The following DLG2 variants were observed in gnomAD, a reference collection of about 807,000 sequenced individuals.
DLG2 encodes the protein discs large MAGUK scaffold protein 2, also known as disks large homolog 2.
A neutral mutation model predicts 132.5 loss-of-function variants in DLG2; 45 were observed. The ratio of observed to expected loss-of-function variants is 0.34; its 90% CI spans 0.27 to 0.44. The LOEUF (loss-of-function observed/expected upper bound fraction) is 0.44. DLG2 is among the 20% of genes least tolerant of loss of function. The pLI, the probability that DLG2 is intolerant of heterozygous loss-of-function variation, is 1.00. For missense variants in DLG2, 1,045 were observed against 1,196.9 expected, an observed-to-expected ratio of 0.87 and a Z score of 1.87; for synonymous variants, 424 against 419.6, an observed-to-expected ratio of 1.01 and a Z score of -0.13.
chr11:84,368,416 G>A (rs996977727), intron 7 of DLG2, among the ~76,000 whole-genome samples: 3 of 151,862 alleles, frequency 2.0e-5, no homozygotes, highest in African/African-American at 7.3e-5. Flanking sequence ...ATTCTCCCAA[G>A]GTAAGGATTT....
At chr11:84,060,317 A>G (rs2096571127) in intron 10 of DLG2, among the ~76,000 whole-genome samples, 1 of 152,250 alleles carries the variant, frequency 6.6e-6, no homozygotes, top group African/African-American at 2.4e-5. Flanking sequence ...ATCTCAAAAA[A>G]AGAAAATAAT....
chr11:85,595,390 T>A (rs896321895), intron 3 of DLG2, among the ~76,000 whole-genome samples: 2 of 152,208 alleles, frequency 1.3e-5, no homozygotes, highest in Non-Finnish European at 2.9e-5. Context: ...AATTCTCTTA[T>A]ATTCAAATTC....
At chr11:84,826,132 A>C (rs1454539152) in intron 6 of DLG2, among the ~76,000 whole-genome samples, 1 of 151,886 alleles carries the variant, frequency 6.6e-6, no homozygotes, top group African/African-American at 2.4e-5. Flanking sequence ...GGCATGCAAC[A>C]TGTAATAATC....
rs546637133 is a variant in DLG2 at position 84,114,890 on chromosome 11, G to A, written c.625-15843C>T. Among the ~76,000 whole-genome samples the A allele has an allele frequency of 4.0e-4, 59 of 146,654 alleles. 1 individual carries two copies. The highest frequency in any genetic ancestry group is 2.4e-3 in the Admixed American group (35 of 14,444). Reference sequence around the variant, plus strand: ...TTGCCATGTTGCCCAGCCTTGTCTCGAACTCCTGAGCTCAAGCCATTCAGC... The same window carrying A: ...TTGCCATGTTGCCCAGCCTTGTCTCAAACTCCTGAGCTCAAGCCATTCAGC... On this transcript the variant is annotated intron_variant, in intron 9 of 27. Coordinates refer to ENST00000376104, the MANE Select transcript of DLG2 (RefSeq NM_001142699.3).
At chr11:85,357,703 A>ATT (rs2083820506) in intron 3 of DLG2, among the ~76,000 whole-genome samples, 1 of 94,130 alleles carries the variant, frequency 1.1e-5, no homozygotes, top group African/African-American at 4.1e-5. Context: ...ACTGTTCTGA[A>ATT]TTATATATAT....
At chr11:83,680,258 G>A (rs1436624000) in intron 18 of DLG2, among the ~76,000 whole-genome samples, 6 of 152,142 alleles carry the variant, frequency 3.9e-5, no homozygotes, top group South Asian at 2.1e-4. Context: ...TCAAAACCCA[G>A]ATACTGCTGT....
chr11:85,557,771 A>G (rs1478947133), intron 3 of DLG2, among the ~76,000 whole-genome samples: 2 of 151,882 alleles, frequency 1.3e-5, no homozygotes, highest in Non-Finnish European at 2.9e-5. Context: ...GAATGAACCT[A>G]GACCCCTACC....
In DLG2 at chr11:84,389,169, A is replaced by C. The variant is rs189859689; in HGVS notation, c.520-137878T>G. ...TAACATTTCTGAGGTTTCCTCAGCA[A>C]AGTCCAATATAAAGGGTATTTCATT... On this transcript the variant is annotated intron_variant, in intron 7 of 27. Transcript: ENST00000376104. Among the ~76,000 whole-genome samples the C allele has an allele frequency of 3.8e-3, 582 of 152,258 alleles. 2 individuals carry two copies. The highest frequency in any genetic ancestry group is 7.0e-3 in the Non-Finnish European group (476 of 67,988).
At chr11:83,816,876 A>T (rs779588621) in intron 17 of DLG2, among the ~76,000 whole-genome samples, 1 of 152,162 alleles carries the variant, frequency 6.6e-6, no homozygotes, top group Non-Finnish European at 1.5e-5. Context: ...ATATTCTTCA[A>T]GTTTGGTTAG....
intron 18 of DLG2, among the ~76,000 whole-genome samples, chr11:83,664,600 T>C (rs924713757): frequency 1.3e-5 from 2 of 152,282 alleles, no homozygotes; most frequent in Admixed American, 1.3e-4. Context: ...CACACTTGAC[T>C]TCAGAAAACT....
At chr11:83,656,760 A>G (rs556243914) in intron 18 of DLG2, among the ~76,000 whole-genome samples, 1 of 152,330 alleles carries the variant, frequency 6.6e-6, no homozygotes, top group South Asian at 2.1e-4. Flanking sequence ...ATGAATTAAA[A>G]TATTAATATG....
intron 10 of DLG2, among the ~76,000 whole-genome samples, chr11:84,098,023 C>G (rs1463763682): frequency 6.7e-6 from 1 of 148,878 alleles, no homozygotes; most frequent in African/African-American, 2.5e-5. Context: ...CCAACCTAAA[C>G]TCACCATGTG....
chr11:84,174,923 G>A (rs2095916322), intron 8 of DLG2, among the ~76,000 whole-genome samples: 1 of 152,100 alleles, frequency 6.6e-6, no homozygotes, highest in African/African-American at 2.4e-5. Context: ...TAACAATTTT[G>A]AGAGCTTAGC....
At chr11:85,111,169 C>T (rs984250898) in intron 6 of DLG2, among the ~76,000 whole-genome samples, 1 of 152,054 alleles carries the variant, frequency 6.6e-6, no homozygotes, top group African/African-American at 2.4e-5. Context: ...GACATAGTAC[C>T]TGTTTGTTTC....
At chr11:84,169,965 T>A (rs571758586) in intron 8 of DLG2, among the ~76,000 whole-genome samples, 18 of 152,310 alleles carry the variant, frequency 1.2e-4, no homozygotes, top group African/African-American at 4.3e-4. Flanking sequence ...CCAGTATTGA[T>A]CATTATGTTG....
At chr11:83,727,625 G>C (rs1360244537) in intron 18 of DLG2, among the ~76,000 whole-genome samples, 1 of 152,080 alleles carries the variant, frequency 6.6e-6, no homozygotes, top group Non-Finnish European at 1.5e-5. Context: ...TTCCTATTCT[G>C]TTCAAAAGTC....
intron 18 of DLG2, among the ~76,000 whole-genome samples, chr11:83,700,764 TTATA>T (rs2082785438): frequency 6.6e-6 from 1 of 152,176 alleles, no homozygotes; most frequent in Non-Finnish European, 1.5e-5. Flanking sequence ...ATAAAATCCT[TTATA>T]TAGTCACAAA....
At chr11:84,938,484 A>T (rs2154095706) in intron 6 of DLG2, among the ~76,000 whole-genome samples, 1 of 152,326 alleles carries the variant, frequency 6.6e-6, no homozygotes, top group East Asian at 1.9e-4. Flanking sequence ...CTAAAAAAGT[A>T]AACTGTTTAG....
At chr11:83,637,821 C>A (rs755760050) in intron 18 of DLG2, among the ~76,000 whole-genome samples, 8 of 152,104 alleles carry the variant, frequency 5.3e-5, no homozygotes, top group African/African-American at 9.7e-5. Flanking sequence ...TCTCTATTCC[C>A]AAACCTCAGG....
Sources: allele counts gnomAD v4.1 joint callset (sites outside exome capture counted in the v4.1 genomes callset), GRCh38; gene constraint gnomAD v4.1.1; transcripts MANE v1.5; gene names NCBI Gene and HGNC (gene_info 2026-07-23, HGNC 2026-07-21).